The following DLGAP1 variants were observed in gnomAD, a reference collection of about 807,000 sequenced individuals.
DLGAP1 encodes the protein disks large-associated protein 1.
Under a neutral mutation model 90.8 loss-of-function variants are expected in DLGAP1, and 11 were observed. The observed-to-expected ratio is 0.12, with a 90% CI of 0.08 to 0.20. The LOEUF is 0.20. Among genes scored for constraint, DLGAP1 ranks in the 10% least tolerant of loss-of-function variants. The probability of loss-of-function intolerance (pLI) is 1.00; values close to 1 mark genes in which losing one functional copy is unlikely to be tolerated. For missense variants in DLGAP1, 1,050 were observed against 1,333.8 expected, an observed-to-expected ratio of 0.79 and a Z score of 3.31; for synonymous variants, 558 against 540.7, an observed-to-expected ratio of 1.03 and a Z score of -0.44.
intron 1 of DLGAP1, among the ~76,000 whole-genome samples, chr18:4,261,929 G>C (rs2079011315): frequency 1.3e-5 from 2 of 152,138 alleles, no homozygotes; most frequent in Admixed American, 1.3e-4. Context: ...AACCATATTT[G>C]TCTAAAGATG....
intron 1 of DLGAP1, among the ~76,000 whole-genome samples, chr18:4,300,949 C>A (rs899034115): frequency 6.6e-6 from 1 of 152,186 alleles, no homozygotes; most frequent in Admixed American, 6.5e-5. Flanking sequence ...ATTCACTTGA[C>A]TTCTGATCAT....
At chr18:3,551,160 TATATATATATATATATACACATAC>T (rs2053387969) in intron 9 of DLGAP1, among the ~76,000 whole-genome samples, 3 of 11,168 alleles carry the variant, frequency 2.7e-4, no homozygotes, top group African/African-American at 2.9e-4. Flanking sequence ...ATTATATACA[TATATATATATATATATACACATAC>T]ATATAAATGC....
At chr18:3,679,576 G>T (rs1339226889) in intron 7 of DLGAP1, among the ~76,000 whole-genome samples, 1 of 150,226 alleles carries the variant, frequency 6.7e-6, no homozygotes, top group Non-Finnish European at 1.5e-5. Flanking sequence ...GCAACACACA[G>T]GCAGCAGGCA....
At chr18:3,980,353 A>G (rs1307872149) in intron 3 of DLGAP1, among the ~76,000 whole-genome samples, 2 of 152,102 alleles carry the variant, frequency 1.3e-5, no homozygotes, top group African/African-American at 2.4e-5. Context: ...AAACTGGAGC[A>G]TAGAGGAAGA....
intron 3 of DLGAP1, among the ~76,000 whole-genome samples, chr18:3,923,087 C>A (rs1347699485): frequency 1.5e-5 from 2 of 137,912 alleles, no homozygotes; most frequent in African/African-American, 5.2e-5. Context: ...TGAGCCAAGA[C>A]TGTACCACTG....
At chr18:3,824,192 T>C (rs958443708) in intron 4 of DLGAP1, among the ~76,000 whole-genome samples, 1 of 152,122 alleles carries the variant, frequency 6.6e-6, no homozygotes, top group African/African-American at 2.4e-5. Context: ...TCCTATGATG[T>C]TTGTGGCTAT....
intron 2 of DLGAP1, among the ~76,000 whole-genome samples, chr18:4,050,907 A>C (rs1014509617): frequency 2.6e-5 from 4 of 152,224 alleles, no homozygotes; most frequent in African/African-American, 9.6e-5. Context: ...TCATGACTGA[A>C]GTTCTACTGT....
At chr18:3,521,445 G>A (rs991702440) in intron 10 of DLGAP1, among the ~76,000 whole-genome samples, 16 of 152,084 alleles carry the variant, frequency 1.1e-4, no homozygotes, top group African/African-American at 3.1e-4. Context: ...TGCTCCAAGC[G>A]CCCACGGCTT....
intron 11 of DLGAP1, among the ~76,000 whole-genome samples, chr18:3,507,050 G>C (rs903247909): frequency 6.6e-6 from 1 of 152,020 alleles, no homozygotes; most frequent in African/African-American, 2.4e-5. Flanking sequence ...GAGGGTGTGC[G>C]AATAGCCCTA....
At chr18:3,801,856 C>T (rs2066309715) in intron 5 of DLGAP1, among the ~76,000 whole-genome samples, 1 of 152,070 alleles carries the variant, frequency 6.6e-6, no homozygotes. Flanking sequence ...AGATATCCTT[C>T]CATACATATA....
chr18:4,019,699 T>C (rs1314662535), intron 2 of DLGAP1, among the ~76,000 whole-genome samples: 7 of 152,214 alleles, frequency 4.6e-5, no homozygotes, highest in Admixed American at 4.6e-4. Context: ...ATCATTTAAC[T>C]AGATTATTAA....
chr18:3,930,479 T>G (rs2072491547), intron 3 of DLGAP1, among the ~76,000 whole-genome samples: 1 of 152,190 alleles, frequency 6.6e-6, no homozygotes, highest in Non-Finnish European at 1.5e-5. Flanking sequence ...ACATCTTGAG[T>G]GGGGGCCTGT....
intron 2 of DLGAP1, among the ~76,000 whole-genome samples, chr18:4,062,183 T>C (rs2075308095): frequency 6.6e-6 from 1 of 152,178 alleles, no homozygotes; most frequent in South Asian, 2.1e-4. Flanking sequence ...AAACTATTTG[T>C]GAGTATTCTT....
At chr18:3,624,717 TG>T (rs1210860606) in intron 7 of DLGAP1, among the ~76,000 whole-genome samples, 3 of 152,246 alleles carry the variant, frequency 2.0e-5, no homozygotes, top group African/African-American at 7.2e-5. Context: ...GAAAACAGAC[TG>T]AGCATACCCA....
At chr18:3,641,537 CA>C (rs576340963) in intron 7 of DLGAP1, among the ~76,000 whole-genome samples, 134 of 63,294 alleles carry the variant, frequency 2.1e-3, no homozygotes, top group East Asian at 0.012. Flanking sequence ...AACTCCGTCT[CA>C]AAAAAAAAAA....
rs115916429 is a variant in DLGAP1, at chr18:4,184,275, C to T, written c.-266-32988G>A. On this transcript the variant is annotated intron_variant, in intron 1 of 12. Transcript: ENST00000315677. ...GCACTGGAACCAAAACCCCTTGGGA[C>T]GAAAAGCCATAGCCATCCTGACATT... Among the ~76,000 whole-genome samples the T allele has an allele frequency of 8.2e-3, 1,245 of 152,138 alleles. 18 individuals carry two copies. Among genetic ancestry groups the T allele is most frequent in the African/African-American group, 0.029 (1,193 of 41,514 alleles).
intron 5 of DLGAP1, among the ~76,000 whole-genome samples, chr18:3,773,109 T>A (rs913560219): frequency 6.6e-6 from 1 of 152,148 alleles, no homozygotes; most frequent in Non-Finnish European, 1.5e-5. Flanking sequence ...CTTAAAAATT[T>A]TTTTTTATTT....
chr18:3,523,612 CCAA>C (rs2051369281), intron 10 of DLGAP1, among the ~76,000 whole-genome samples: 1 of 151,962 alleles, frequency 6.6e-6, no homozygotes, highest in Non-Finnish European at 1.5e-5. Flanking sequence ...CTTTGGGAGG[CCAA>C]GGAGGGCGGA....
At chr18:4,058,269 C>A (rs2075250641) in intron 2 of DLGAP1, among the ~76,000 whole-genome samples, 1 of 152,196 alleles carries the variant, frequency 6.6e-6, no homozygotes, top group Non-Finnish European at 1.5e-5. Flanking sequence ...CATGTAAAGA[C>A]ACACTCCCTG....
Sources: allele counts gnomAD v4.1 joint callset (sites outside exome capture counted in the v4.1 genomes callset), GRCh38; gene constraint gnomAD v4.1.1; transcripts MANE v1.5; gene names NCBI Gene and HGNC (gene_info 2026-07-23, HGNC 2026-07-21).